The following JAK1 variants were observed in gnomAD, a reference collection of about 807,000 sequenced individuals.
The protein encoded by JAK1 is tyrosine-protein kinase JAK1.
In JAK1, 16 loss-of-function variants were observed where a neutral mutation model predicts 136.6. The observed-to-expected ratio is 0.12, with a 90% CI of 0.08 to 0.18. JAK1 has a LOEUF of 0.18. Among genes scored for constraint, JAK1 ranks in the 10% least tolerant of loss-of-function variants. The pLI, the probability that JAK1 is intolerant of heterozygous loss-of-function variation, is 1.00. For missense variants in JAK1, 859 were observed against 1,450.1 expected, an observed-to-expected ratio of 0.59 and a Z score of 6.62; for synonymous variants, 492 against 519.5, an observed-to-expected ratio of 0.95 and a Z score of 0.72.
At chr1:65,045,549 T>G (rs531355538) in intron 1 of JAK1, among the ~76,000 whole-genome samples, 1 of 152,282 alleles carries the variant, frequency 6.6e-6, no homozygotes, top group African/African-American at 2.4e-5. Context: ...GGGGGTTGTG[T>G]GAGTGACCTA....
In JAK1 at chr1:64,844,758, C is replaced by T. The variant is rs1439372203; in HGVS notation, c.2247G>A (p.Arg749=). The change falls in exon 16 of 25, where the codon AGG becomes AGA. Residue 749 remains arginine (R), a synonymous_variant. Transcript: ENST00000342505. The surrounding 1 kb of genome is among the most constrained non-coding windows in gnomAD (Gnocchi z 5.7). ...GGGAAGAGAGGGGAGACACACCTTG[C>T]CTAGACAGCACCGTAATGGGGATGC... is the stretch of plus-strand genomic sequence containing the variant. ...DPGIPITVLS[R]QECIERIPWI... is the part of the protein sequence containing the mutation. The T allele has an allele frequency of 4.3e-6, 7 of 1,614,104 alleles. No homozygotes were observed. Among genetic ancestry groups the T allele is most frequent in the Non-Finnish European group, 5.9e-6 (7 of 1,179,996 alleles).
In JAK1 at chr1:64,839,587, G is replaced by GC; in HGVS notation, c.2842+15dup. The GC allele has an allele frequency of 6.2e-7, 1 of 1,609,202 alleles. No homozygotes were observed. Among genetic ancestry groups the GC allele is most frequent in the Non-Finnish European group, 8.5e-7 (1 of 1,176,760 alleles). On this transcript the variant is annotated intron_variant, in intron 20 of 24. Transcript: ENST00000342505. The stretch of plus-strand genomic sequence containing the variant: ...CACCAAATCTTTAAACCGGACCCCA[G>GC]CCTTGCATAACATACCGTCTTCTGT...
At chr1:65,036,498 A>G (rs1223174083) in intron 2 of JAK1, among the ~76,000 whole-genome samples, 1 of 152,204 alleles carries the variant, frequency 6.6e-6, no homozygotes, top group East Asian at 1.9e-4. Flanking sequence ...AGGAAATAAG[A>G]GACCAGAGAA....
intron 1 of JAK1, among the ~76,000 whole-genome samples, chr1:65,045,125 T>C (rs1240975842): frequency 6.6e-6 from 1 of 152,220 alleles, no homozygotes; most frequent in African/African-American, 2.4e-5. Context: ...TGGCAGTGCC[T>C]GTCACACTCA....
At chr1:64,856,384 T>G (rs891220620) in intron 10 of JAK1, among the ~76,000 whole-genome samples, 1 of 152,174 alleles carries the variant, frequency 6.6e-6, no homozygotes, top group Admixed American at 6.5e-5. Context: ...ATCTGTACAA[T>G]GGGATAATAT....
intron 2 of JAK1, chr1:65,022,984 G>A (rs188480706): frequency 6.6e-6 from 1 of 151,998 alleles, no homozygotes; most frequent in Non-Finnish European, 1.5e-5. Flanking sequence ...TTAAAACATA[G>A]AATTTTTTTT....
At chr1:64,894,605 C>A (rs1317452452) in intron 1 of JAK1, among the ~76,000 whole-genome samples, 3 of 151,620 alleles carry the variant, frequency 2.0e-5, no homozygotes, top group African/African-American at 7.3e-5. Context: ...CTAAAAAAAA[C>A]AAAAAACAAA....
At chr1:64,925,736 C>A (rs1277090074) in intron 1 of JAK1, among the ~76,000 whole-genome samples, 1 of 152,150 alleles carries the variant, frequency 6.6e-6, no homozygotes, top group Non-Finnish European at 1.5e-5. Context: ...CTTATTTGAC[C>A]TTTATATAAC....
At position 64,834,535 on chromosome 1, in the gene JAK1, G is replaced by T; in HGVS notation, c.*27C>A. ...TTGCAGGAGAAGGACTTGATAATCT[G>T]TGGAATTTAAATGTTATTCATGCTT... On this transcript the variant is annotated 3_prime_UTR_variant, in exon 25 of 25. Coordinates refer to ENST00000342505, the MANE Select transcript of JAK1 (RefSeq NM_002227.4). 2 of 1,419,150 alleles carry T rather than the reference G, an allele frequency of 1.4e-6. No homozygotes were observed. Among genetic ancestry groups the T allele is most frequent in the Non-Finnish European group, 2.0e-6 (2 of 1,006,766 alleles). The allele number at this position is 1,419,150 out of a possible 1,614,324, so 87.9% of individuals were successfully genotyped here.
intron 1 of JAK1, among the ~76,000 whole-genome samples, chr1:65,053,662 GA>G (rs751977185): frequency 1.6e-4 from 24 of 152,158 alleles, no homozygotes; most frequent in Non-Finnish European, 3.2e-4. Context: ...ATCAGCCTGA[GA>G]AACAGTGAAA....
At position 64,921,572 on chromosome 1, in the gene JAK1, A is replaced by C. The variant is rs74083115; in HGVS notation, c.-77-35231T>G. 6.9e-3 allele frequency among the ~76,000 whole-genome samples: 1,051 copies of C among 152,260 alleles called. 10 individuals are homozygous for C. Among genetic ancestry groups the C allele is most frequent in the African/African-American group, 0.024 (992 of 41,558 alleles). ...GATTCAGAGAATTTAAGTGCCTTGC[A>C]TAAGGCTATGCAGCTAGCAAGTGGC... On this transcript the variant is annotated intron_variant, in intron 1 of 24. Transcript: ENST00000342505.
intron 1 of JAK1, among the ~76,000 whole-genome samples, chr1:64,909,700 T>TG (rs1385368242): frequency 6.7e-6 from 1 of 150,374 alleles, no homozygotes; most frequent in Non-Finnish European, 1.5e-5. Flanking sequence ...GGCACATGCC[T>TG]GTAGTCCCAG....
chr1:64,892,043 G>A (rs1644945924), intron 1 of JAK1, among the ~76,000 whole-genome samples: 1 of 152,208 alleles, frequency 6.6e-6, no homozygotes, highest in Non-Finnish European at 1.5e-5. Context: ...GTCAGTAAGT[G>A]TCTTTCTAAA....
At chr1:64,860,732 C>T (rs186374534) in intron 8 of JAK1, among the ~76,000 whole-genome samples, 2 of 152,032 alleles carry the variant, frequency 1.3e-5, no homozygotes, top group African/African-American at 2.4e-5. Flanking sequence ...GGATTACAGC[C>T]GTGAGCCACT....
intron 19 of JAK1, among the ~76,000 whole-genome samples, 194 bp downstream of exon 19, chr1:64,841,051 C>T (rs1654865559): frequency 1.3e-5 from 2 of 152,194 alleles, no homozygotes; most frequent in Admixed American, 6.5e-5. Flanking sequence ...TGCATTCCGT[C>T]CGTGCCGTGT....
In JAK1 at chr1:65,046,353, G is replaced by C. The variant is rs749101928; in HGVS notation, c.-180-1771C>G. Among the ~76,000 whole-genome samples the C allele has an allele frequency of 9.9e-4, 151 of 152,304 alleles. 6 individuals are homozygous for C. The highest frequency in any genetic ancestry group is 7.2e-4 in the Admixed American group (11 of 15,298). ...GGACAAGCTGGAGGCCATGCCAAAG[G>C]GAGCCCACAGGATGGAAAACGGCTG... On this transcript the variant is annotated intron_variant, in intron 1 of 25. Coordinates refer to the JAK1 transcript ENST00000671954.
At chr1:65,065,774 G>T (rs112701949) in intron 1 of JAK1, among the ~76,000 whole-genome samples, 5,533 of 150,794 alleles carry the variant, frequency 0.037, 131 homozygotes, top group Non-Finnish European at 0.057. Context: ...CTGGCTCTGG[G>T]TTAAGCTTAA....
At chr1:64,838,729 T>TA (rs1654652964) in intron 20 of JAK1, 140 bp from the exon 21 acceptor site, 3 of 728,240 alleles carry the variant, frequency 4.1e-6, no homozygotes, top group Non-Finnish European at 6.7e-6. Context: ...CTTGACCTCT[T>TA]ATGCCTCAAG....
At position 64,846,746 on chromosome 1, in the gene JAK1, A is replaced by C; in HGVS notation, c.1900-10T>G. The C allele has an allele frequency of 1.9e-6, 3 of 1,610,910 alleles. No homozygotes were observed. The highest frequency in any genetic ancestry group is 2.5e-6 in the Non-Finnish European group (3 of 1,177,576). On this transcript the variant is annotated splice_polypyrimidine_tract_variant and intron_variant, in intron 13 of 24. Transcript: ENST00000342505. ...CTGCCTCGAAGAAGGCCTGTGGGCG[A>C]GCAGGACATAGGAATGTCTCAGGCC...
Sources: allele counts gnomAD v4.1 joint callset (sites outside exome capture counted in the v4.1 genomes callset), GRCh38; gene constraint gnomAD v4.1.1; non-coding constraint Gnocchi (gnomAD v3.1); transcripts MANE v1.5; gene names NCBI Gene and HGNC (gene_info 2026-07-23, HGNC 2026-07-21).